The following ABCC10 variants were observed in gnomAD, a reference collection of about 807,000 sequenced individuals.
ABCC10 encodes ATP-binding cassette sub-family C member 10.
ABCC10 carries 110 observed loss-of-function variants against 143.2 expected under a neutral mutation model. That is an observed-to-expected ratio of 0.77 (90% CI 0.66 to 0.90). The LOEUF (loss-of-function observed/expected upper bound fraction) is 0.90, where lower values mean the gene tolerates loss of function less well. ABCC10 is among the 40% of genes least tolerant of loss of function. The probability of loss-of-function intolerance (pLI) is 0.00; values close to 1 mark genes in which losing one functional copy is unlikely to be tolerated. For synonymous variants in ABCC10, 805 were observed against 846.7 expected, an observed-to-expected ratio of 0.95 and a Z score of 0.85; for missense variants, 1,700 against 1,900.5, an observed-to-expected ratio of 0.89 and a Z score of 1.96.
intron 16 of ABCC10, 133 bp from the exon 17 acceptor site, chr6:43,447,115 G>C: frequency 1.6e-6 from 2 of 1,226,632 alleles, no homozygotes; most frequent in Admixed American, 4.6e-5. Context: ...CAAAGTGCTG[G>C]AATTACAGGC....
At position 43,434,753 on chromosome 6, in the gene ABCC10, G is replaced by A; in HGVS notation, c.1513G>A (p.Ala505Thr). The A allele has an allele frequency of 6.2e-7, 1 of 1,614,176 alleles. No individual in the cohort carries two copies. The highest frequency in any genetic ancestry group is 8.5e-7 in the Non-Finnish European group (1 of 1,180,030). The change falls in exon 4 of 22, where the codon GCC becomes ACC. Residue 505 changes from alanine (A) to threonine (T), a missense_variant. Physicochemically the swap from Ala to Thr is moderately conservative, Grantham distance 58 (BLOSUM62 0). Coordinates refer to ENST00000372530, the MANE Select transcript of ABCC10 (RefSeq NM_001198934.2). ...CCGGGTCATCAAATACCTGGATGCG[G>A]CCTGTGTATACCTGTGGGCTGCCCT... ...RLRVIKYLDA[A>T]CVYLWAALPV...
Position 43,444,373 on chromosome 6 carries a change from T to C in ABCC10, c.2689+20T>C. 3 of 1,580,932 alleles carry C rather than the reference T, an allele frequency of 1.9e-6. No individual in the cohort carries two copies. In the South Asian group the frequency reaches 3.5e-5, roughly 18 times the overall value. ...TGCAAGGTGAGAGCGTGCCTGGGAG[T>C]CTCTTACATCGTAACGGCTGTGCTG... is the stretch of plus-strand genomic sequence containing the variant. On this transcript the variant is annotated intron_variant, in intron 12 of 21. Transcript: ENST00000372530.
intron 16 of ABCC10, 166 bp from the exon 17 acceptor site, chr6:43,447,082 G>C (rs566544116): frequency 1.0e-6 from 1 of 954,508 alleles, no homozygotes; most frequent in African/African-American, 1.7e-5. Flanking sequence ...TCCTGACCTC[G>C]TGATCCACCT....
Position 43,445,252 on chromosome 6 carries a change from G to A in ABCC10, c.2968G>A (p.Ala990Thr), listed in dbSNP as rs765106397. The change falls in exon 14 of 22, where the codon GCA (alanine) becomes ACA (threonine). Residue 990 changes from alanine (A) to threonine (T), a missense_variant. Transcript: ENST00000372530. The part of the protein sequence containing the change: ...LCTLLRAVLF[A>T]AGTLQAAATL... ...CACCCTTCTCCGGGCAGTGCTCTTT[G>A]CAGCAGGCACCCTTCAAGCAGCTGC... The A allele has an allele frequency of 3.7e-6, 6 of 1,613,868 alleles. No homozygotes were observed. Among genetic ancestry groups the A allele is most frequent in the Non-Finnish European group, 5.1e-6 (6 of 1,179,992 alleles).
At chr6:43,433,705 C>T (rs921477848) in intron 3 of ABCC10, among the ~76,000 whole-genome samples, 2 of 152,180 alleles carry the variant, frequency 1.3e-5, no homozygotes, top group African/African-American at 4.8e-5. Context: ...GGTAGGAAGT[C>T]ATCTGTCTGG....
intron 3 of ABCC10, 180 bp from the exon 4 acceptor site, chr6:43,434,441 T>A: frequency 1.7e-6 from 1 of 603,132 alleles, no homozygotes; most frequent in Admixed American, 2.9e-5. Context: ...TGAAAAGGAT[T>A]TGAAGGGCAG....
intron 8 of ABCC10, among the ~76,000 whole-genome samples, 194 bp downstream of exon 8, chr6:43,438,989 G>A (rs1041193126): frequency 2.0e-5 from 3 of 152,176 alleles, no homozygotes; most frequent in Non-Finnish European, 2.9e-5. Flanking sequence ...GGTGGTGACT[G>A]TGTGTTCTGC....
chr6:43,429,323 T>C (rs113674518), intron 2 of ABCC10, among the ~76,000 whole-genome samples: 2,723 of 151,462 alleles, frequency 0.018, 45 homozygotes, highest in Middle Eastern at 0.058. Context: ...TTAGGAAATA[T>C]ATATATTTTT....
At position 43,447,692 on chromosome 6, in the gene ABCC10, C is replaced by T. The variant is rs375933427; in HGVS notation, c.3714C>T (p.Thr1238=). ...CCCATGGACCCCACCAGCTGGGCACCGGCTGGCTGACCCAGGGGGGCGTGG... is the reference window on the plus strand; with the variant it reads ...CCCATGGACCCCACCAGCTGGGCACTGGCTGGCTGACCCAGGGGGGCGTGG... ...EPQGQPLQLG[T]GWLTQGGVEF... Residue 1238 remains threonine, a synonymous_variant, in exon 18 of 22, where the codon ACC becomes ACT. Coordinates refer to ENST00000372530, the MANE Select transcript of ABCC10 (RefSeq NM_001198934.2). The T allele has an allele frequency of 5.0e-5, 80 of 1,613,928 alleles. No individual in the cohort carries two copies. The highest frequency in any genetic ancestry group is 5.6e-5 in the Non-Finnish European group (66 of 1,179,974).
At chr6:43,450,494 G>T, downstream of ABCC10, 1 of 1,519,334 alleles carries the variant, frequency 6.6e-7, no homozygotes, top group South Asian at 1.3e-5. This position sits in a 1 kb window ranked among gnomAD's most constrained non-coding sequence, Gnocchi z 4.5. Flanking sequence ...TCCAGTCTGA[G>T]GGGTGGAAGA....
In ABCC10 at chr6:43,437,918, T is replaced by G. The variant is rs766577740; in HGVS notation, c.1876-16T>G. 6.2e-7 allele frequency: 1 copy of G among 1,610,396 alleles called. No individual in the cohort carries two copies. Among genetic ancestry groups the G allele is most frequent in the Non-Finnish European group, 8.5e-7 (1 of 1,178,424 alleles). On this transcript the variant is annotated splice_polypyrimidine_tract_variant and intron_variant, in intron 6 of 21. Transcript: ENST00000372530. ...GTCTCCTACCAATAGCAGATGCTTG[T>G]GTGGCTTCCTTGCAGGGTATGCTGG...
downstream of ABCC10, chr6:43,451,870 T>C (rs1783765270): frequency 6.3e-7 from 1 of 1,586,802 alleles, no homozygotes. The surrounding 1 kb of genome is among the most constrained non-coding windows in gnomAD (Gnocchi z 4.4). Flanking sequence ...CCAACAGTCC[T>C]GCCTCTTTTC....
chr6:43,449,933 A>G lies in ABCC10; in HGVS notation c.4321A>G (p.Asn1441Asp), dbSNP rs750530838. ...KTVLTIAHRL[N>D]TILNSDRVLV... ...TGACCATCTTCCCCCTCACAGGCTCAACACGATCCTGAACTCAGACCGGGT... is the reference window on the plus strand; with the variant it reads ...TGACCATCTTCCCCCTCACAGGCTCGACACGATCCTGAACTCAGACCGGGT... Residue 1441 changes from asparagine to aspartate, a missense_variant, in exon 22 of 22, where the codon AAC becomes GAC. Physicochemically the swap from Asn to Asp is conservative, Grantham distance 23. Transcript: ENST00000372530. The G allele has an allele frequency of 1.9e-6, 3 of 1,613,908 alleles. No individual in the cohort carries two copies. The highest frequency in any genetic ancestry group is 2.7e-5 in the African/African-American group (2 of 74,920).
At chr6:43,429,372 T>TTGTGTG (rs1201780354) in intron 2 of ABCC10, among the ~76,000 whole-genome samples, 11,475 of 97,772 alleles carry the variant, frequency 0.12, 961 homozygotes, top group South Asian at 0.16. Context: ...CTTTTCTTTC[T>TTGTGTG]TGTGTGTGTG....
Position 43,445,228 on chromosome 6 carries a change from AC to A in ABCC10, c.2947del (p.Leu983PhefsTer31), listed in dbSNP as rs767891430. ...ATIAGVNSLC[T>X]LLRAVLFAAG... ...CATTGCTGGTGTAAATTCCCTCTGCACCCTTCTCCGGGCAGTGCTCTTTGCA... is the reference window on the plus strand; with the variant it reads ...CATTGCTGGTGTAAATTCCCTCTGCACCTTCTCCGGGCAGTGCTCTTTGCA... On this transcript the variant is annotated frameshift_variant, in exon 14 of 22. Coordinates refer to ENST00000372530, the MANE Select transcript of ABCC10 (RefSeq NM_001198934.2). LOFTEE classifies it high-confidence loss of function. 1 of 1,613,438 alleles carries A rather than the reference AC, an allele frequency of 6.2e-7. No homozygotes were observed.
rs747804074 is a variant in ABCC10, at chr6:43,447,694, G to A, written c.3716G>A (p.Gly1239Asp). 1 of 1,613,906 alleles carries A rather than the reference G, an allele frequency of 6.2e-7. No individual in the cohort carries two copies. The highest frequency in any genetic ancestry group is 1.3e-5 in the African/African-American group (1 of 74,914). The change falls in exon 18 of 22, where the codon GGC (glycine) becomes GAC (aspartate). Residue 1239 changes from glycine to aspartate, a missense_variant. Transcript: ENST00000372530. The stretch of plus-strand genomic sequence containing the variant: ...CATGGACCCCACCAGCTGGGCACCG[G>A]CTGGCTGACCCAGGGGGGCGTGGAG... ...PQGQPLQLGT[G>D]WLTQGGVEFQ...
chr6:43,438,045 C>G (rs771386814), intron 7 of ABCC10, 32 bp downstream of exon 7: 1 of 1,597,006 alleles, frequency 6.3e-7, no homozygotes, highest in Non-Finnish European at 8.5e-7. Flanking sequence ...CCTGTCCTTA[C>G]TTTGTCCTTT....
At chr6:43,451,015 G>A (rs777812450), downstream of ABCC10, 5 of 1,614,088 alleles carry the variant, frequency 3.1e-6, no homozygotes, top group Non-Finnish European at 3.4e-6. This position sits in a 1 kb window ranked among gnomAD's most constrained non-coding sequence, Gnocchi z 4.4. Flanking sequence ...TCCCGACAGC[G>A]GGCCCCTCTC....
intron 3 of ABCC10, 22 bp from the exon 4 acceptor site, chr6:43,434,599 C>T (rs1781487673): frequency 9.3e-6 from 15 of 1,604,558 alleles, no homozygotes; most frequent in Non-Finnish European, 1.3e-5. Flanking sequence ...CTTCACGCCT[C>T]TCCCTTGTCT....
Sources: allele counts gnomAD v4.1 joint callset (sites outside exome capture counted in the v4.1 genomes callset), GRCh38; gene constraint gnomAD v4.1.1; non-coding constraint Gnocchi (gnomAD v3.1); transcripts MANE v1.5; gene names NCBI Gene and HGNC (gene_info 2026-07-23, HGNC 2026-07-21).